FBLN2: variants seen among roughly 807,000 people sequenced by gnomAD.
FBLN2 encodes fibulin 2, also known as fibulin-2.
FBLN2 carries 81 observed loss-of-function variants against 123.7 expected under a neutral mutation model. That is an observed-to-expected ratio of 0.65 (90% CI 0.55 to 0.79). The LOEUF is 0.79. FBLN2 is among the 30% of genes least tolerant of loss of function. FBLN2 has a pLI of 0.00. For synonymous variants in FBLN2, 699 were observed against 701.4 expected (o/e 1.00, Z 0.05); for missense variants, 1,603 against 1,681.3 (o/e 0.95, Z 0.81).
intron 7 of FBLN2, among the ~76,000 whole-genome samples, chr3:13,619,482 T>G (rs1705768636): frequency 6.6e-6 from 1 of 152,224 alleles, no homozygotes; most frequent in Admixed American, 6.5e-5. Context: ...AGGCATGGGC[T>G]GGGATCCGAG....
At chr3:13,580,956 G>A (rs1401713072) in intron 2 of FBLN2, among the ~76,000 whole-genome samples, 1 of 152,204 alleles carries the variant, frequency 6.6e-6, no homozygotes, top group African/African-American at 2.4e-5. Flanking sequence ...GCTGGTCCGG[G>A]ATGGCCTCAG....
Position 13,638,365 on chromosome 3 carries a change from T to C in FBLN2, c.*446T>C, listed in dbSNP as rs1706555460. Reference sequence around the variant, plus strand: ...TACATGTACATTATATAAAAAAAAGTTCAACTAGTATGAAAGGGTTATAAA... The same window carrying C: ...TACATGTACATTATATAAAAAAAAGCTCAACTAGTATGAAAGGGTTATAAA... On this transcript the variant is annotated 3_prime_UTR_variant, in exon 18 of 18. Transcript: ENST00000404922. The C allele has an allele frequency of 5.4e-6, 2 of 372,218 alleles. No individual in the cohort carries two copies. The highest frequency in any genetic ancestry group is 1.0e-5 in the Non-Finnish European group (2 of 200,412). 23.1% of individuals were successfully genotyped at this position (372,218 alleles called of 1,614,324 possible). A position where few individuals can be genotyped will look rare whatever the true frequency, so the allele number is the denominator to read the frequency against.
chr3:13,556,946 C>T (rs1257802989), intron 1 of FBLN2, among the ~76,000 whole-genome samples: 1 of 152,248 alleles, frequency 6.6e-6, no homozygotes, highest in Non-Finnish European at 1.5e-5. Context: ...CCTCACGCCC[C>T]ATCTTTCTTT....
At chr3:13,557,559 G>A (rs1489003671) in intron 1 of FBLN2, among the ~76,000 whole-genome samples, 5 of 152,202 alleles carry the variant, frequency 3.3e-5, no homozygotes, top group Admixed American at 6.5e-5. Context: ...AGGCTCTGCC[G>A]TGTGGTGGTC....
Position 13,604,164 on chromosome 3 carries a change from T to G in FBLN2, c.1307-3898T>G, listed in dbSNP as rs186817619. Among the ~76,000 whole-genome samples, 770 of 152,320 alleles carry G rather than the reference T, an allele frequency of 5.1e-3. 15 individuals are homozygous for G. Among genetic ancestry groups the G allele is most frequent in the Non-Finnish European group, 4.7e-3 (318 of 68,022 alleles). On this transcript the variant is annotated intron_variant, in intron 2 of 17. Transcript: ENST00000404922. The stretch of plus-strand genomic sequence containing the variant: ...TGTCAGATGGGTAGATTGCAAAAAT[T>G]TTCTCCCATTCTGTAGGTTCCCTGT...
rs201725233 is a variant in FBLN2, at chr3:13,637,667, G to T, written c.3444G>T (p.Ala1148=). The T allele has an allele frequency of 5.0e-6, 8 of 1,613,958 alleles. No individual in the cohort carries two copies. Among genetic ancestry groups the T allele is most frequent in the South Asian group, 4.4e-5 (4 of 91,070 alleles). The change falls in exon 18 of 18, where the codon GCG becomes GCT. Residue 1148 remains alanine (A), a synonymous_variant. Coordinates refer to ENST00000404922, the MANE Select transcript of FBLN2 (RefSeq NM_001004019.2). ...TCCAGACGGGCCTCCTGGTGCCTGCGCATATCTTCCGCATTGGCCCCGCGC... is the reference window on the plus strand; with the variant it reads ...TCCAGACGGGCCTCCTGGTGCCTGCTCATATCTTCCGCATTGGCCCCGCGC... ...LNFQTGLLVP[A]HIFRIGPAPA...
At chr3:13,600,096 T>TA (rs3841937) in intron 2 of FBLN2, among the ~76,000 whole-genome samples, 90,189 of 148,012 alleles carry the variant, frequency 0.61, 28,814 homozygotes, top group African/African-American at 0.81. Context: ...AGGCAGGGGC[T>TA]GGGGACCTGT....
chr3:13,636,893 G>T (rs778634298), intron 17 of FBLN2, among the ~76,000 whole-genome samples: 1 of 152,236 alleles, frequency 6.6e-6, no homozygotes, highest in East Asian at 1.9e-4. Context: ...GTCACGCAGT[G>T]TCTGAGGGCT....
At chr3:13,562,972 T>C (rs1703652914) in intron 1 of FBLN2, among the ~76,000 whole-genome samples, 1 of 152,206 alleles carries the variant, frequency 6.6e-6, no homozygotes, top group African/African-American at 2.4e-5. Flanking sequence ...GCCCCTCCTT[T>C]CAAGGCTGAT....
chr3:13,616,014 G>A (rs147028420), intron 5 of FBLN2, among the ~76,000 whole-genome samples: 245 of 152,304 alleles, frequency 1.6e-3, no homozygotes, highest in Non-Finnish European at 2.5e-3. Context: ...TGTGGTACAG[G>A]TGGGAGAACA....
intron 11 of FBLN2, 54 bp downstream of exon 11, chr3:13,628,023 A>G: frequency 4.5e-6 from 7 of 1,572,364 alleles, no homozygotes; most frequent in Non-Finnish European, 6.1e-6. Context: ...TACTGGAGGC[A>G]TTGTGGGGGC....
chr3:13,585,035 G>T (rs902173202), intron 2 of FBLN2, among the ~76,000 whole-genome samples: 4 of 152,234 alleles, frequency 2.6e-5, no homozygotes, highest in Admixed American at 1.3e-4. Flanking sequence ...GGTGGTGGGT[G>T]AGTGATGGAG....
At chr3:13,635,673 CG>C (rs1706435967) in intron 16 of FBLN2, among the ~76,000 whole-genome samples, 1 of 152,094 alleles carries the variant, frequency 6.6e-6, no homozygotes, top group African/African-American at 2.4e-5. Context: ...CTTTGCGTCT[CG>C]GAGTCGGGAC....
chr3:13,555,713 C>G (rs1703446242), intron 1 of FBLN2, among the ~76,000 whole-genome samples: 1 of 152,232 alleles, frequency 6.6e-6, no homozygotes, highest in Non-Finnish European at 1.5e-5. Context: ...CTTGGCCTCT[C>G]AAAGTGCTGG....
At chr3:13,631,267 T>C (rs1706245876) in intron 15 of FBLN2, 62 bp from the exon 16 acceptor site, 2 of 1,565,714 alleles carry the variant, frequency 1.3e-6, no homozygotes, top group African/African-American at 1.4e-5. Context: ...ACAGGCTGAC[T>C]GTCAGTGGCT....
At chr3:13,582,540 T>C (rs944627141) in intron 2 of FBLN2, among the ~76,000 whole-genome samples, 1 of 152,192 alleles carries the variant, frequency 6.6e-6, no homozygotes, top group African/African-American at 2.4e-5. Context: ...TGTCCACTCC[T>C]CGGCCTCCAT....
chr3:13,582,978 T>C (rs1036071228), intron 2 of FBLN2, among the ~76,000 whole-genome samples: 1 of 152,262 alleles, frequency 6.6e-6, no homozygotes, highest in African/African-American at 2.4e-5. Context: ...TCCGCTGCTA[T>C]GTTTGCCACT....
rs377245784 is a variant in FBLN2, at chr3:13,605,502, G to A, written c.1307-2560G>A. On this transcript the variant is annotated intron_variant, in intron 2 of 17. Transcript: ENST00000404922. The stretch of plus-strand genomic sequence containing the variant: ...GCTGTGTTCCTCCACACTTCTGTGT[G>A]TTGGTGTGTCCAGCTCATGCTGCTG... 1.7e-3 allele frequency among the ~76,000 whole-genome samples: 252 copies of A among 152,304 alleles called. 6 individuals are homozygous for A. The South Asian group carries it at 0.02, about 12-fold the overall frequency.
intron 1 of FBLN2, 37 bp downstream of exon 1, chr3:13,549,245 C>T (rs1227552150): frequency 3.1e-6 from 3 of 980,862 alleles, no homozygotes; most frequent in Non-Finnish European, 3.6e-6. Context: ...GGACTCATCC[C>T]CGTCGGTCCG....
Sources: gnomAD v4.1 joint callset for allele counts (sites outside exome capture counted in the v4.1 genomes callset) on GRCh38, gnomAD v4.1.1 for gene constraint, MANE v1.5 for transcripts, NCBI Gene and HGNC (gene_info 2026-07-23, HGNC 2026-07-21) for gene names.